The following STK3 variants were observed in gnomAD, a reference collection of about 807,000 sequenced individuals.
STK3 encodes the protein serine/threonine-protein kinase 3.
A neutral mutation model predicts 58.0 loss-of-function variants in STK3; 41 were observed. The observed-to-expected ratio is 0.71, with a 90% CI of 0.55 to 0.92. The LOEUF is 0.92. Ranked by LOEUF, STK3 falls within the 40% of genes least tolerant of loss-of-function variation. STK3 has a pLI of 0.00. For synonymous variants in STK3, 170 were observed against 191.0 expected, an observed-to-expected ratio of 0.89 and a Z score of 0.91; for missense variants, 479 against 602.7, an observed-to-expected ratio of 0.79 and a Z score of 2.15.
intron 10 of STK3, among the ~76,000 whole-genome samples, chr8:98,466,282 A>G (rs1820455734): frequency 4.6e-5 from 7 of 152,230 alleles, no homozygotes; most frequent in Admixed American, 4.6e-4. Context: ...TAACTAGCTT[A>G]CTGGGTAGTC....
At chr8:98,788,059 T>C (rs1051755209) in intron 1 of STK3, among the ~76,000 whole-genome samples, 1 of 152,092 alleles carries the variant, frequency 6.6e-6, no homozygotes, top group Non-Finnish European at 1.5e-5. Context: ...AACCAAGGTA[T>C]ACAGGCAACA....
chr8:98,653,798 C>G (rs2130732819), intron 6 of STK3, among the ~76,000 whole-genome samples: 1 of 152,258 alleles, frequency 6.6e-6, no homozygotes, highest in Non-Finnish European at 1.5e-5. Flanking sequence ...AGTTGAATCT[C>G]TGAATAGAAC....
At chr8:98,853,468 C>T (rs1836552958) in intron 3 of STK3, among the ~76,000 whole-genome samples, 1 of 152,178 alleles carries the variant, frequency 6.6e-6, no homozygotes. Context: ...GTTTTCCTTC[C>T]CCTGCTTTGC....
intron 1 of STK3, among the ~76,000 whole-genome samples, chr8:98,783,530 T>C (rs975180017): frequency 6.6e-6 from 1 of 152,250 alleles, no homozygotes; most frequent in Admixed American, 6.5e-5. Flanking sequence ...TGCCTCTATG[T>C]TGATAGCTTC....
upstream of STK3, among the ~76,000 whole-genome samples, chr8:98,392,177 A>C (rs1817854685): frequency 6.6e-6 from 1 of 152,160 alleles, no homozygotes; most frequent in Admixed American, 6.5e-5. Context: ...TTTCTCTTGC[A>C]GTTCTGTGAT....
At chr8:98,891,609 G>C (rs960906464) in intron 1 of STK3, among the ~76,000 whole-genome samples, 3 of 131,808 alleles carry the variant, frequency 2.3e-5, no homozygotes, top group Non-Finnish European at 3.3e-5. Flanking sequence ...AAATAAAACT[G>C]TGTGTGTGTG....
At chr8:98,442,026 A>G (rs2131098256) in intron 1 of STK3, among the ~76,000 whole-genome samples, 1 of 151,624 alleles carries the variant, frequency 6.6e-6, no homozygotes, top group South Asian at 2.1e-4. Flanking sequence ...CCTAAAACCC[A>G]CTCCTATTCC....
At chr8:98,693,217 T>G (rs2130961104) in intron 6 of STK3, among the ~76,000 whole-genome samples, 1 of 152,022 alleles carries the variant, frequency 6.6e-6, no homozygotes, top group South Asian at 2.1e-4. Flanking sequence ...GGCAACATGG[T>G]GAACCCCATC....
chr8:98,905,332 C>A, intron 1 of STK3: 1 of 912,064 alleles, frequency 1.1e-6, no homozygotes, highest in Non-Finnish European at 1.8e-6. Flanking sequence ...TGTATGAGGA[C>A]ATAATCTTTC....
chr8:98,436,242 C>T (rs1255412259), intron 2 of STK3, among the ~76,000 whole-genome samples: 1 of 152,156 alleles, frequency 6.6e-6, no homozygotes, highest in Non-Finnish European at 1.5e-5. Context: ...TCTTCCATTT[C>T]TCCCACAGCT....
At position 98,757,738 on chromosome 8, in the gene STK3, A is replaced by C. The variant is rs188208162; in HGVS notation, c.237-8348T>G. Among the ~76,000 whole-genome samples the C allele has an allele frequency of 4.4e-4, 67 of 152,280 alleles. No homozygotes were observed. In the Middle Eastern group the frequency reaches 0.01, roughly 23 times the overall value. On this transcript the variant is annotated intron_variant, in intron 3 of 10. Transcript: ENST00000419617. The stretch of plus-strand genomic sequence containing the variant: ...TCTTTTTTTTTAAGTAATTCAAACA[A>C]CAAATATTCACTGAACAAGCCTACT...
chr8:98,897,436 G>A (rs1403556210), intron 1 of STK3, among the ~76,000 whole-genome samples: 1 of 152,032 alleles, frequency 6.6e-6, no homozygotes, highest in African/African-American at 2.4e-5. Flanking sequence ...CACGGCGGAC[G>A]CCTGTAGTCC....
At chr8:98,612,008 T>C (rs1035112908) in intron 6 of STK3, among the ~76,000 whole-genome samples, 1 of 150,694 alleles carries the variant, frequency 6.6e-6, no homozygotes, top group African/African-American at 2.4e-5. Context: ...ACTGTTCCCC[T>C]TGCTAAATAA....
At chr8:98,856,679 T>C (rs1480301493) in intron 3 of STK3, among the ~76,000 whole-genome samples, 2 of 152,190 alleles carry the variant, frequency 1.3e-5, no homozygotes, top group Non-Finnish European at 2.9e-5. Context: ...AAGATTACCA[T>C]AAGACCCAGT....
At chr8:98,657,533 T>G (rs535226207) in intron 6 of STK3, among the ~76,000 whole-genome samples, 2 of 152,184 alleles carry the variant, frequency 1.3e-5, no homozygotes, top group South Asian at 4.2e-4. Context: ...ACCACAAATC[T>G]TATAAACGCC....
At chr8:98,750,648 C>T (rs1354787152) in intron 3 of STK3, among the ~76,000 whole-genome samples, 1 of 151,136 alleles carries the variant, frequency 6.6e-6, no homozygotes, top group Non-Finnish European at 1.5e-5. Flanking sequence ...ACCAGATGGA[C>T]TTAGGGCCAA....
At chr8:98,515,976 G>A (rs955678154) in intron 10 of STK3, among the ~76,000 whole-genome samples, 7 of 152,026 alleles carry the variant, frequency 4.6e-5, no homozygotes, top group Non-Finnish European at 7.4e-5. Flanking sequence ...ATATGTGTCA[G>A]CTGCTGTTTT....
intron 1 of STK3, among the ~76,000 whole-genome samples, chr8:98,901,435 A>G (rs772529442): frequency 4.6e-5 from 7 of 152,216 alleles, no homozygotes; most frequent in Non-Finnish European, 7.3e-5. Context: ...TAGAGATTAC[A>G]TTGGTTTAAG....
chr8:98,700,651 C>T (rs371706610), intron 6 of STK3, among the ~76,000 whole-genome samples: 3 of 152,194 alleles, frequency 2.0e-5, no homozygotes, highest in Non-Finnish European at 2.9e-5. Flanking sequence ...TTCCAAAATA[C>T]ACTATTTATT....
Sources: allele counts gnomAD v4.1 joint callset (sites outside exome capture counted in the v4.1 genomes callset), GRCh38; gene constraint gnomAD v4.1.1; transcripts MANE v1.5; gene names NCBI Gene and HGNC (gene_info 2026-07-23, HGNC 2026-07-21).